Variants in EIF2B3 observed in about 807,000 individuals in gnomAD.
EIF2B3 encodes translation initiation factor eIF2B subunit gamma.
Under a neutral mutation model 54.1 loss-of-function variants are expected in EIF2B3, and 20 were observed. The ratio of observed to expected loss-of-function variants is 0.37; its 90% confidence interval spans 0.26 to 0.54. The LOEUF is 0.54. EIF2B3 is among the 20% of genes least tolerant of loss of function. The pLI is 0.86. For synonymous variants in EIF2B3, 153 were observed against 188.1 expected, an observed-to-expected ratio of 0.81 and a Z score of 1.52; for missense variants, 448 against 547.8, an observed-to-expected ratio of 0.82 and a Z score of 1.82.
intron 10 of EIF2B3, among the ~76,000 whole-genome samples, chr1:44,872,068 T>C (rs1260568360): frequency 1.3e-5 from 2 of 152,088 alleles, no homozygotes; most frequent in Non-Finnish European, 2.9e-5. Context: ...GCTCTCACTC[T>C]GTTACCCAGG....
intron 6 of EIF2B3, among the ~76,000 whole-genome samples, chr1:44,892,718 A>G (rs973461265): frequency 3.3e-5 from 5 of 152,210 alleles, no homozygotes; most frequent in African/African-American, 1.2e-4. Context: ...TTCAAAGGAG[A>G]CTACCTTGAT....
At chr1:44,936,439 A>AAAT (rs1643947640) in intron 4 of EIF2B3, among the ~76,000 whole-genome samples, 2 of 151,876 alleles carry the variant, frequency 1.3e-5, no homozygotes. Flanking sequence ...AAAAAAAAAA[A>AAAT]AATTAGCTGA....
chr1:44,956,556 T>C (rs1644228244), intron 3 of EIF2B3, among the ~76,000 whole-genome samples: 1 of 151,706 alleles, frequency 6.6e-6, no homozygotes, highest in South Asian at 2.1e-4. Context: ...AAAAGATAGA[T>C]GAAGCAGATA....
At chr1:44,894,135 G>T (rs1655890127) in intron 6 of EIF2B3, among the ~76,000 whole-genome samples, 1 of 152,130 alleles carries the variant, frequency 6.6e-6, no homozygotes, top group Non-Finnish European at 1.5e-5. Context: ...ATAAAACAGG[G>T]AGGAACACTC....
chr1:44,922,453 G>C (rs552143007), intron 5 of EIF2B3, among the ~76,000 whole-genome samples: 2 of 151,580 alleles, frequency 1.3e-5, no homozygotes, highest in African/African-American at 2.4e-5. Context: ...TGGGCATGGT[G>C]GTGGGCGCCT....
intron 1 of EIF2B3, among the ~76,000 whole-genome samples, chr1:44,982,544 G>A (rs565390538): frequency 1.1e-4 from 17 of 152,056 alleles, no homozygotes; most frequent in African/African-American, 3.6e-4. Flanking sequence ...GTGATCCACC[G>A]GAGTCGGCCT....
chr1:44,859,392 C>T (rs1031725390), intron 10 of EIF2B3, among the ~76,000 whole-genome samples: 14 of 152,100 alleles, frequency 9.2e-5, no homozygotes, highest in Admixed American at 9.2e-4. Context: ...TGCGGTGGCT[C>T]ATGCCTGTAA....
intron 4 of EIF2B3, chr1:44,940,666 G>A: frequency 6.5e-6 from 1 of 154,228 alleles, no homozygotes; most frequent in Admixed American, 6.5e-5. Context: ...AGCTACTCGG[G>A]AGGCTGAGGC....
chr1:44,852,793 A>AC (rs1557656127), intron 11 of EIF2B3, among the ~76,000 whole-genome samples: 2 of 151,900 alleles, frequency 1.3e-5, no homozygotes, highest in African/African-American at 4.8e-5. Context: ...AAAAAAAAAA[A>AC]AAACAAACCA....
rs779233810 is a variant in EIF2B3, at chr1:44,897,464, AAAAG to A, written c.567-24_567-21del. ...GGATGCCTGCAAAAAAATAAAAAAT[AAAAG>A]AAAGAAAGAAGAGGCTCACAATCAG... On this transcript the variant is annotated intron_variant, in intron 5 of 11. Coordinates refer to ENST00000360403, the MANE Select transcript of EIF2B3 (RefSeq NM_020365.5). The A allele has an allele frequency of 5.1e-6, 8 of 1,566,498 alleles. No homozygotes were observed. The highest frequency in any genetic ancestry group is 2.3e-5 in the South Asian group (2 of 87,462).
At chr1:44,921,662 T>C (rs1310831700) in intron 5 of EIF2B3, among the ~76,000 whole-genome samples, 1 of 152,190 alleles carries the variant, frequency 6.6e-6, no homozygotes, top group Non-Finnish European at 1.5e-5. Context: ...CCCCAACGTA[T>C]ATTCTTGGCA....
chr1:44,861,845 A>G (rs1654616916), intron 10 of EIF2B3, among the ~76,000 whole-genome samples: 1 of 152,166 alleles, frequency 6.6e-6, no homozygotes, highest in South Asian at 2.1e-4. Flanking sequence ...CTGGTTGTGA[A>G]GCTCTTTTCT....
chr1:44,870,872 C>T (rs1654943286), intron 10 of EIF2B3, among the ~76,000 whole-genome samples: 1 of 151,932 alleles, frequency 6.6e-6, no homozygotes, highest in South Asian at 2.1e-4. Context: ...AGGCTGGTCT[C>T]GAACTCCTGG....
chr1:44,889,001 G>T (rs1366859492), intron 6 of EIF2B3, among the ~76,000 whole-genome samples: 1 of 152,230 alleles, frequency 6.6e-6, no homozygotes, highest in Non-Finnish European at 1.5e-5. Flanking sequence ...TAGCTCAGCA[G>T]CTAAGGCTTT....
intron 5 of EIF2B3, among the ~76,000 whole-genome samples, chr1:44,905,165 T>C (rs1213187093): frequency 6.6e-6 from 1 of 152,144 alleles, no homozygotes; most frequent in Non-Finnish European, 1.5e-5. Flanking sequence ...CATATGGAGT[T>C]ATCAAACTAG....
At chr1:44,886,841 G>C (rs1655603356) in intron 6 of EIF2B3, among the ~76,000 whole-genome samples, 1 of 152,196 alleles carries the variant, frequency 6.6e-6, no homozygotes, top group South Asian at 2.1e-4. Flanking sequence ...GAGTCTTTCT[G>C]AATTTGCTGT....
chr1:44,932,513 G>C (rs991905392), intron 4 of EIF2B3: 2 of 152,180 alleles, frequency 1.3e-5, no homozygotes, highest in African/African-American at 2.4e-5. Context: ...AGCTCATAAA[G>C]AGACCTAATA....
chr1:44,905,029 G>A (rs1269756112), intron 5 of EIF2B3, among the ~76,000 whole-genome samples: 1 of 152,152 alleles, frequency 6.6e-6, no homozygotes, highest in Non-Finnish European at 1.5e-5. Context: ...AGGTGCTGGG[G>A]CAAGCACCTG....
intron 1 of EIF2B3, among the ~76,000 whole-genome samples, chr1:44,986,013 G>T (rs1644570757): frequency 6.6e-6 from 1 of 151,978 alleles, no homozygotes; most frequent in Non-Finnish European, 1.5e-5. Context: ...ACAAATGAAT[G>T]AAGGGCTGAG....
Sources: allele counts gnomAD v4.1 joint callset (sites outside exome capture counted in the v4.1 genomes callset), GRCh38; gene constraint gnomAD v4.1.1; transcripts MANE v1.5; gene names NCBI Gene and HGNC (gene_info 2026-07-23, HGNC 2026-07-21).